Variants in TTLL5 observed in about 807,000 individuals in gnomAD.
TTLL5 encodes tubulin tyrosine ligase like 5, also known as tubulin polyglutamylase TTLL5.
A neutral mutation model predicts 168.4 loss-of-function variants in TTLL5; 132 were observed. The ratio of observed to expected loss-of-function variants is 0.78; its 90% CI spans 0.68 to 0.91. The LOEUF (loss-of-function observed/expected upper bound fraction) is 0.91. TTLL5 is among the 40% of genes least tolerant of loss of function. The pLI is 0.00. For missense variants in TTLL5, 1,545 were observed against 1,581.5 expected (o/e 0.98, Z 0.39); for synonymous variants, 546 against 558.6 (o/e 0.98, Z 0.32).
chr14:75,692,654 G>A (rs1885545357), intron 6 of TTLL5, among the ~76,000 whole-genome samples: 1 of 152,142 alleles, frequency 6.6e-6, no homozygotes, highest in African/African-American at 2.4e-5. Context: ...TGAGTAGAAA[G>A]GGTGCAAGAA....
At chr14:75,708,588 G>A (rs556918327) in intron 9 of TTLL5, among the ~76,000 whole-genome samples, 6 of 152,058 alleles carry the variant, frequency 3.9e-5, no homozygotes, top group African/African-American at 1.2e-4. Flanking sequence ...GCCTCCCAAA[G>A]TGCTGGGATT....
chr14:75,786,815 A>C (rs1376038798), intron 26 of TTLL5, among the ~76,000 whole-genome samples: 1 of 152,178 alleles, frequency 6.6e-6, no homozygotes, highest in Non-Finnish European at 1.5e-5. Flanking sequence ...AGCATAGAAA[A>C]AGCAAGATAA....
At position 75,766,244 on chromosome 14, in the gene TTLL5, A is replaced by G; in HGVS notation, c.1891A>G (p.Lys631Glu). 6.2e-7 allele frequency: 1 copy of G among 1,614,094 alleles called. No individual in the cohort carries two copies. Among genetic ancestry groups the G allele is most frequent in the African/African-American group, 1.3e-5 (1 of 75,044 alleles). Reference protein sequence around the residue: ...SLTALVENTPKENSMKVREWN... With the variant: ...SLTALVENTPEENSMKVREWN... ...GACAGCTTTGGTAGAAAATACACCC[A>G]AAGAAAATTCCATGAAAGTTCGTGA... The change falls in exon 20 of 32, where the codon AAA becomes GAA. Residue 631 changes from lysine (K) to glutamate (E), a missense_variant. Lys to Glu is a moderately conservative substitution (Grantham distance 56). Transcript: ENST00000298832.
Position 75,782,503 on chromosome 14 carries a change from A to T in TTLL5, c.2532A>T (p.Ile844=). ...TTATTTCAGATCACCCTGAGACTAT[A>T]ATGGAAGAAGTGAAAATAAAGCCAC... The part of the protein sequence containing the change: ...SGAKGDHPET[I]MEEVKIKPPK... Residue 844 remains isoleucine (I), a synonymous_variant, in exon 25 of 32, where the codon ATA becomes ATT. Coordinates refer to ENST00000298832, the MANE Select transcript of TTLL5 (RefSeq NM_015072.5). 1 of 1,613,824 alleles carries T rather than the reference A, an allele frequency of 6.2e-7. No individual in the cohort carries two copies. Among genetic ancestry groups the T allele is most frequent in the Non-Finnish European group, 8.5e-7 (1 of 1,179,814 alleles).
At chr14:75,762,070 A>G (rs982448674) in intron 18 of TTLL5, among the ~76,000 whole-genome samples, 3 of 152,156 alleles carry the variant, frequency 2.0e-5, no homozygotes, top group African/African-American at 4.8e-5. Flanking sequence ...TCACTGTACA[A>G]TTCTTTAAAC....
intron 27 of TTLL5, among the ~76,000 whole-genome samples, chr14:75,794,273 A>T (rs1892878544): frequency 6.6e-6 from 1 of 152,124 alleles, no homozygotes. Context: ...GGGAAGAGGG[A>T]ATAGGATACT....
chr14:75,747,633 T>G (rs993706720), intron 17 of TTLL5, among the ~76,000 whole-genome samples: 1 of 152,130 alleles, frequency 6.6e-6, no homozygotes, highest in African/African-American at 2.4e-5. Flanking sequence ...TTATAGTAGC[T>G]TTTTGTCTAG....
At chr14:75,729,330 C>T (rs1486747853) in intron 12 of TTLL5, among the ~76,000 whole-genome samples, 2 of 152,092 alleles carry the variant, frequency 1.3e-5, no homozygotes, top group Non-Finnish European at 2.9e-5. Context: ...TTAAAATTCT[C>T]GTTACTGCTG....
intron 28 of TTLL5, among the ~76,000 whole-genome samples, chr14:75,827,171 A>T (rs1292269110): frequency 1.3e-5 from 2 of 151,922 alleles, no homozygotes; most frequent in Admixed American, 6.5e-5. Context: ...GCTAAGTCTT[A>T]GTTCCCTTTT....
intron 29 of TTLL5, among the ~76,000 whole-genome samples, chr14:75,875,824 T>C (rs1272972786): frequency 6.6e-6 from 1 of 152,234 alleles, no homozygotes; most frequent in Non-Finnish European, 1.5e-5. Flanking sequence ...CATACATACA[T>C]ATAGAAAATA....
intron 28 of TTLL5, among the ~76,000 whole-genome samples, chr14:75,855,390 C>T (rs941024220): frequency 2.6e-5 from 4 of 152,160 alleles, no homozygotes; most frequent in Non-Finnish European, 5.9e-5. Context: ...GATGAATCAA[C>T]ATTTGAAAGA....
chr14:75,851,014 T>G (rs1896820035), intron 28 of TTLL5, among the ~76,000 whole-genome samples: 1 of 150,806 alleles, frequency 6.6e-6, no homozygotes. Flanking sequence ...GAGGGATTGC[T>G]TGAGCCTGGG....
At chr14:75,671,893 C>T (rs1443903334) in intron 3 of TTLL5, among the ~76,000 whole-genome samples, 2 of 152,136 alleles carry the variant, frequency 1.3e-5, no homozygotes, top group African/African-American at 4.8e-5. Context: ...ATTGTTCTGG[C>T]TAGAATTTCT....
chr14:75,789,531 T>A (rs1311328849), intron 26 of TTLL5, among the ~76,000 whole-genome samples: 1 of 152,126 alleles, frequency 6.6e-6, no homozygotes, highest in East Asian at 1.9e-4. Flanking sequence ...AAATTTAACA[T>A]TGAACTATTT....
chr14:75,759,272 AG>A lies in TTLL5; in HGVS notation c.1551-5342del, dbSNP rs1566591223. On this transcript the variant is annotated intron_variant, in intron 18 of 31. Transcript: ENST00000298832. The stretch of plus-strand genomic sequence containing the variant: ...CTTTATTCCATTACTTTGACAGCTT[AG>A]TTGAAATGACAATTCTTTGTGGTGG... 8.5e-5 allele frequency among the ~76,000 whole-genome samples: 13 copies of A among 152,144 alleles called. No homozygotes were observed. The East Asian group carries it at 2.5e-3, about 29-fold the overall frequency.
intron 27 of TTLL5, among the ~76,000 whole-genome samples, chr14:75,812,125 A>G (rs184362082): frequency 2.4e-4 from 36 of 152,324 alleles, no homozygotes; most frequent in Admixed American, 1.6e-3. Flanking sequence ...GTACTAAAGG[A>G]AAAACGCACT....
intron 28 of TTLL5, among the ~76,000 whole-genome samples, chr14:75,847,160 C>G (rs1479014260): frequency 6.6e-6 from 1 of 152,074 alleles, no homozygotes. Context: ...CACCACCACA[C>G]CTGGCTAATT....
chr14:75,669,380 A>G, intron 2 of TTLL5, 36 bp from the exon 3 acceptor site: 1 of 1,581,808 alleles, frequency 6.3e-7, no homozygotes, highest in Non-Finnish European at 8.7e-7. Flanking sequence ...TCAGGTTTTG[A>G]GCTGTAAATT....
intron 28 of TTLL5, among the ~76,000 whole-genome samples, chr14:75,831,955 CT>C: frequency 6.6e-6 from 1 of 152,180 alleles, no homozygotes; most frequent in Middle Eastern, 3.2e-3. Flanking sequence ...TTTCTGATCA[CT>C]TGCCAACGGA....
Sources: gnomAD v4.1 joint callset for allele counts (sites outside exome capture counted in the v4.1 genomes callset) on GRCh38, gnomAD v4.1.1 for gene constraint, MANE v1.5 for transcripts, NCBI Gene and HGNC (gene_info 2026-07-23, HGNC 2026-07-21) for gene names.